Variants in GPC5 observed in about 807,000 individuals in gnomAD.
GPC5 encodes the protein glypican 5, also known as glypican-5.
Under a neutral mutation model 53.9 loss-of-function variants are expected in GPC5, and 47 were observed. That is an observed-to-expected ratio of 0.87 (90% CI 0.69 to 1.11). GPC5 has a LOEUF of 1.11. Ranked by LOEUF, GPC5 falls within the 50% of genes most tolerant of loss-of-function variation. GPC5 has a pLI of 0.00. For synonymous variants in GPC5, 286 were observed against 263.3 expected (o/e 1.09, Z -0.84); for missense variants, 748 against 713.1 (o/e 1.05, Z -0.56).
intron 7 of GPC5, among the ~76,000 whole-genome samples, chr13:92,562,223 A>G (rs1174227359): frequency 6.6e-6 from 1 of 151,924 alleles, no homozygotes; most frequent in East Asian, 1.9e-4. Flanking sequence ...GCCTCAGAAA[A>G]TCTCTTATGA....
chr13:92,411,139 G>C (rs529466952), intron 7 of GPC5, among the ~76,000 whole-genome samples: 1 of 152,082 alleles, frequency 6.6e-6, no homozygotes, highest in Non-Finnish European at 1.5e-5. Context: ...GCATGATGGC[G>C]CACGTCTGTA....
At chr13:92,494,386 G>A (rs1402908811) in intron 7 of GPC5, among the ~76,000 whole-genome samples, 2 of 152,180 alleles carry the variant, frequency 1.3e-5, no homozygotes, top group East Asian at 3.9e-4. Flanking sequence ...ACCGCGCCTG[G>A]CCAAGAATTA....
chr13:91,757,421 C>G (rs988927885), intron 5 of GPC5, among the ~76,000 whole-genome samples: 1 of 151,824 alleles, frequency 6.6e-6, no homozygotes, highest in African/African-American at 2.4e-5. Flanking sequence ...TGGCTGTGTC[C>G]CCACCCAAGT....
At chr13:91,684,691 C>T (rs1348140539) in intron 2 of GPC5, among the ~76,000 whole-genome samples, 1 of 152,138 alleles carries the variant, frequency 6.6e-6, no homozygotes, top group Non-Finnish European at 1.5e-5. Flanking sequence ...ACTCTTACAC[C>T]CACCCAGCAG....
intron 2 of GPC5, among the ~76,000 whole-genome samples, chr13:91,464,037 TA>T (rs955599915): frequency 3.9e-5 from 6 of 151,932 alleles, no homozygotes; most frequent in Non-Finnish European, 7.4e-5. Context: ...ATTCAACAGT[TA>T]AAAAAACCCA....
intron 7 of GPC5, among the ~76,000 whole-genome samples, chr13:92,763,242 T>C (rs908016365): frequency 2.0e-5 from 3 of 152,160 alleles, no homozygotes; most frequent in African/African-American, 7.2e-5. Flanking sequence ...TCTTCCAAAC[T>C]TTATAGAGTG....
rs563426290 is a variant in GPC5, at chr13:92,592,274, A to C, written c.1562-274008A>C. Among the ~76,000 whole-genome samples, 13 of 152,304 alleles carry C rather than the reference A, an allele frequency of 8.5e-5. No homozygotes were observed. The East Asian group carries it at 2.5e-3, about 29-fold the overall frequency. ...GCCCATAAGTACCCTGACTTTCTTG[A>C]GAAGAAGGACATGGTGAAGGAGACC... On this transcript the variant is annotated intron_variant, in intron 7 of 7. Transcript: ENST00000377067.
At chr13:92,741,374 A>T (rs1444214970) in intron 7 of GPC5, among the ~76,000 whole-genome samples, 1 of 151,902 alleles carries the variant, frequency 6.6e-6, no homozygotes, top group East Asian at 2.0e-4. Context: ...GGAGGCTCTG[A>T]GCTTTCCTGG....
At chr13:91,967,262 C>T (rs908370188) in intron 6 of GPC5, among the ~76,000 whole-genome samples, 1 of 152,200 alleles carries the variant, frequency 6.6e-6, no homozygotes, top group Non-Finnish European at 1.5e-5. Context: ...ATTCAATTAT[C>T]TCCCACTGGT....
intron 7 of GPC5, among the ~76,000 whole-genome samples, chr13:92,762,835 T>G (rs2138739308): frequency 6.6e-6 from 1 of 152,130 alleles, no homozygotes; most frequent in South Asian, 2.1e-4. Context: ...CTTTCTTCTT[T>G]TCAAAAGACC....
intron 7 of GPC5, among the ~76,000 whole-genome samples, chr13:92,381,666 A>T (rs2043739986): frequency 6.6e-6 from 1 of 150,788 alleles, no homozygotes; most frequent in Non-Finnish European, 1.5e-5. Context: ...ACCCAGAGGA[A>T]AAGAAGACAT....
At chr13:92,845,698 A>G (rs1367598178) in intron 7 of GPC5, among the ~76,000 whole-genome samples, 1 of 152,178 alleles carries the variant, frequency 6.6e-6, no homozygotes, top group East Asian at 1.9e-4. Flanking sequence ...TTGACACATG[A>G]AATTAACCAT....
At chr13:92,555,024 G>C (rs1487165085) in intron 7 of GPC5, among the ~76,000 whole-genome samples, 1 of 150,388 alleles carries the variant, frequency 6.6e-6, no homozygotes, top group African/African-American at 2.4e-5. Flanking sequence ...ACTGGTAAAA[G>C]GTTTCTTTTT....
chr13:91,612,693 G>A (rs1310527540), intron 2 of GPC5, among the ~76,000 whole-genome samples: 6 of 152,032 alleles, frequency 3.9e-5, no homozygotes, highest in Non-Finnish European at 8.8e-5. Context: ...ACAAATGCAG[G>A]CCAATACAAT....
chr13:92,316,422 C>T (rs2043179466), intron 7 of GPC5, among the ~76,000 whole-genome samples: 1 of 152,112 alleles, frequency 6.6e-6, no homozygotes, highest in South Asian at 2.1e-4. Flanking sequence ...TAAGCAGTCA[C>T]ATTTTGTACA....
At chr13:92,562,365 CT>C (rs992433230) in intron 7 of GPC5, among the ~76,000 whole-genome samples, 1 of 152,042 alleles carries the variant, frequency 6.6e-6, no homozygotes, top group African/African-American at 2.4e-5. Context: ...ACTCTCAGTC[CT>C]TCTGGTGCCT....
At chr13:92,419,019 T>A (rs1876440825) in intron 7 of GPC5, among the ~76,000 whole-genome samples, 1 of 152,216 alleles carries the variant, frequency 6.6e-6, no homozygotes, top group Admixed American at 6.5e-5. Context: ...TCTTCTCACG[T>A]GGCTTATAAG....
chr13:92,113,081 G>A (rs1384140497), intron 6 of GPC5, among the ~76,000 whole-genome samples: 1 of 151,950 alleles, frequency 6.6e-6, no homozygotes, highest in African/African-American at 2.4e-5. Flanking sequence ...TGGCAACATG[G>A]TACCTTTTTA....
chr13:92,613,733 G>A (rs1028186660), intron 7 of GPC5, among the ~76,000 whole-genome samples: 5 of 142,792 alleles, frequency 3.5e-5, no homozygotes, highest in South Asian at 2.1e-4. Context: ...TGGTACATGC[G>A]TATAGAACCA....
Sources: allele counts gnomAD v4.1 joint callset (sites outside exome capture counted in the v4.1 genomes callset), GRCh38; gene constraint gnomAD v4.1.1; transcripts MANE v1.5; gene names NCBI Gene and HGNC (gene_info 2026-07-23, HGNC 2026-07-21).